Variants in FAM20A observed in about 807,000 individuals in gnomAD.
The protein encoded by FAM20A is FAM20A golgi associated secretory pathway pseudokinase, also known as pseudokinase FAM20A.
Under a neutral mutation model 52.0 loss-of-function variants are expected in FAM20A, and 42 were observed. That is an observed-to-expected ratio of 0.81 (90% CI 0.63 to 1.04). The LOEUF is 1.04. FAM20A is among the 50% of genes least tolerant of loss of function. The probability of loss-of-function intolerance (pLI) is 0.00; values close to 1 mark genes in which losing one functional copy is unlikely to be tolerated. For missense variants in FAM20A, 742 were observed against 712.7 expected, an observed-to-expected ratio of 1.04 and a Z score of -0.47; for synonymous variants, 304 against 298.9, an observed-to-expected ratio of 1.02 and a Z score of -0.18.
chr17:68,579,026 A>AC (rs1568771299), intron 1 of FAM20A, among the ~76,000 whole-genome samples: 1 of 151,486 alleles, frequency 6.6e-6, no homozygotes, highest in African/African-American at 2.4e-5. Flanking sequence ...AAAAAAAAAA[A>AC]AAACATGTCT....
chr17:68,546,868 G>A, intron 4 of FAM20A, among the ~76,000 whole-genome samples: 1 of 149,734 alleles, frequency 6.7e-6, no homozygotes, highest in Non-Finnish European at 1.5e-5. Flanking sequence ...TTGAAAGTTA[G>A]AATGACTCCT....
chr17:68,592,657 T>A (rs960324613), intron 1 of FAM20A, among the ~76,000 whole-genome samples: 14 of 152,224 alleles, frequency 9.2e-5, no homozygotes, highest in Non-Finnish European at 1.9e-4. Context: ...AAAAATCTCA[T>A]CTCTTTCCAC....
At chr17:68,577,092 C>T (rs960767269) in intron 1 of FAM20A, among the ~76,000 whole-genome samples, 2 of 152,224 alleles carry the variant, frequency 1.3e-5, no homozygotes, top group African/African-American at 4.8e-5. Context: ...AGATCCAAAA[C>T]ATCTAGCTCC....
chr17:68,550,372 T>TTTC (rs2086779240), intron 4 of FAM20A, among the ~76,000 whole-genome samples: 1 of 127,114 alleles, frequency 7.9e-6, no homozygotes, highest in East Asian at 2.3e-4. Context: ...GGGGGAACTT[T>TTTC]TTTTTTTTTT....
At chr17:68,562,025 T>A (rs978097945) in intron 1 of FAM20A, among the ~76,000 whole-genome samples, 123 of 152,322 alleles carry the variant, frequency 8.1e-4, no homozygotes, top group Non-Finnish European at 2.1e-4. Flanking sequence ...GGTTTCGCCA[T>A]GTTGGCCAGG....
At chr17:68,597,307 C>T (rs2088481252) in intron 1 of FAM20A, among the ~76,000 whole-genome samples, 1 of 151,140 alleles carries the variant, frequency 6.6e-6, no homozygotes, top group South Asian at 2.1e-4. Context: ...ATTCTCTGTA[C>T]TTCTCCTGGT....
chr17:68,584,266 G>C (rs1392675050), intron 1 of FAM20A, among the ~76,000 whole-genome samples: 3 of 152,098 alleles, frequency 2.0e-5, no homozygotes, highest in Non-Finnish European at 4.4e-5. Context: ...GCAGTGAGCT[G>C]AGATGGTGCC....
chr17:68,555,712 G>A lies in FAM20A; in HGVS notation c.436C>T (p.Leu146Phe). Residue 146 changes from leucine to phenylalanine, a missense_variant, in exon 2 of 11, where the codon CTT becomes TTT. Transcript: ENST00000592554. ...TGCAGTGGGGGGTCCAGGGAGGTAAGGTTCATCTGCTCTCTGTACATCTTG... is the reference window on the plus strand; with the variant it reads ...TGCAGTGGGGGGTCCAGGGAGGTAAAGTTCATCTGCTCTCTGTACATCTTG... Reference protein sequence around the residue: ...RHKMYREQMNLTSLDPPLQLR... With the variant: ...RHKMYREQMNFTSLDPPLQLR... 6.2e-7 allele frequency: 1 copy of A among 1,614,028 alleles called. No individual in the cohort carries two copies. The highest frequency in any genetic ancestry group is 8.5e-7 in the Non-Finnish European group (1 of 1,180,036).
chr17:68,554,512 A>C (rs1030159398), intron 3 of FAM20A, among the ~76,000 whole-genome samples: 3 of 152,208 alleles, frequency 2.0e-5, no homozygotes, highest in East Asian at 1.9e-4. Flanking sequence ...AAAGAGAGTG[A>C]GGCTCTGCAT....
At chr17:68,559,534 C>T (rs2087151146) in intron 1 of FAM20A, among the ~76,000 whole-genome samples, 1 of 152,194 alleles carries the variant, frequency 6.6e-6, no homozygotes, top group Admixed American at 6.5e-5. Context: ...AAGTAGAAAT[C>T]ACTTTGCTCC....
At chr17:68,599,771 G>A (rs967621948) in intron 1 of FAM20A, among the ~76,000 whole-genome samples, 6 of 152,204 alleles carry the variant, frequency 3.9e-5, no homozygotes, top group Non-Finnish European at 8.8e-5. Context: ...GTTTTGGGGA[G>A]AAACATGCTT....
At chr17:68,580,174 C>G (rs1031056963) in intron 1 of FAM20A, among the ~76,000 whole-genome samples, 6 of 152,212 alleles carry the variant, frequency 3.9e-5, no homozygotes, top group South Asian at 2.1e-4. Flanking sequence ...TGAGCTTTTT[C>G]TGCTCTTCCA....
chr17:68,547,385 T>TCTTC (rs2086619497), intron 4 of FAM20A, among the ~76,000 whole-genome samples: 1 of 152,238 alleles, frequency 6.6e-6, no homozygotes, highest in African/African-American at 2.4e-5. Context: ...CATTGACTTT[T>TCTTC]CTTCTCTAGC....
intron 1 of FAM20A, among the ~76,000 whole-genome samples, chr17:68,584,793 G>A (rs1045677632): frequency 2.0e-5 from 3 of 152,136 alleles, no homozygotes; most frequent in Non-Finnish European, 2.9e-5. Context: ...GAGCTGCTGC[G>A]GACCAACTGC....
chr17:68,572,247 A>T (rs2087585165), intron 1 of FAM20A, among the ~76,000 whole-genome samples: 1 of 151,776 alleles, frequency 6.6e-6, no homozygotes, highest in African/African-American at 2.4e-5. Flanking sequence ...TCTTGATCAT[A>T]ACCTGGCTCC....
chr17:68,542,061 G>A lies in FAM20A; in HGVS notation c.1033C>T (p.Pro345Ser), dbSNP rs1460123899. The change falls in exon 7 of 11, where the codon CCG becomes TCG. Residue 345 changes from proline (P) to serine (S), a missense_variant. Transcript: ENST00000592554. The part of the protein sequence containing the change: ...LLEGSLSAFL[P>S]SLNLAPRLSV... ...AGCCTGGGGGCCAGGTTGAGGGACG[G>A]CAGGAAGGCAGAGAGGGAACCCTCC... The A allele has an allele frequency of 1.9e-6, 3 of 1,614,012 alleles. No individual in the cohort carries two copies. Among genetic ancestry groups the A allele is most frequent in the Non-Finnish European group, 2.5e-6 (3 of 1,179,884 alleles).
At chr17:68,550,443 C>T (rs139948705) in intron 4 of FAM20A, among the ~76,000 whole-genome samples, 3,223 of 129,946 alleles carry the variant, frequency 0.025, 137 homozygotes, top group African/African-American at 0.09. Flanking sequence ...TGCAGTGGTG[C>T]GATCTCAGCT....
chr17:68,545,855 T>A (rs560091695), intron 4 of FAM20A, among the ~76,000 whole-genome samples: 26 of 152,298 alleles, frequency 1.7e-4, no homozygotes, highest in African/African-American at 6.0e-4. Flanking sequence ...GAAACCACTT[T>A]CTTTGCTTAT....
intron 1 of FAM20A, among the ~76,000 whole-genome samples, chr17:68,576,914 C>A (rs1372569903): frequency 6.6e-6 from 1 of 152,118 alleles, no homozygotes; most frequent in Non-Finnish European, 1.5e-5. Flanking sequence ...GGGACTCTGT[C>A]TATAGTAAAA....
Sources: gnomAD v4.1 joint callset for allele counts (sites outside exome capture counted in the v4.1 genomes callset) on GRCh38, gnomAD v4.1.1 for gene constraint, MANE v1.5 for transcripts, NCBI Gene and HGNC (gene_info 2026-07-23, HGNC 2026-07-21) for gene names.